The following HOXC4 variants were observed in gnomAD, a reference collection of about 807,000 sequenced individuals.
HOXC4 encodes the protein homeobox protein Hox-C4.
HOXC4 carries 15 observed loss-of-function variants against 25.5 expected under a neutral mutation model. The ratio of observed to expected loss-of-function variants is 0.59; its 90% confidence interval spans 0.39 to 0.91. The LOEUF (loss-of-function observed/expected upper bound fraction) is 0.91, where lower values mean the gene tolerates loss of function less well. HOXC4 is among the 40% of genes least tolerant of loss of function. The probability of loss-of-function intolerance (pLI) is 0.00; values close to 1 mark genes in which losing one functional copy is unlikely to be tolerated. For synonymous variants in HOXC4, 165 were observed against 148.0 expected (o/e 1.11, Z -0.83); for missense variants, 342 against 352.4 (o/e 0.97, Z 0.24).
chr12:54,028,628 A>G (rs945202736), intron 1 of HOXC4: 2 of 1,614,026 alleles, frequency 1.2e-6, no homozygotes, highest in Non-Finnish European at 1.7e-6. Context: ...CCAGTGAGGC[A>G]TTTCTCGACC....
At chr12:54,019,738 AGT>A (rs1437487049) in intron 1 of HOXC4, among the ~76,000 whole-genome samples, 1 of 152,078 alleles carries the variant, frequency 6.6e-6, no homozygotes. Flanking sequence ...GACCTCACTG[AGT>A]GTACCCACAG....
chr12:54,033,775 G>A (rs888555978), intron 1 of HOXC4, among the ~76,000 whole-genome samples: 3 of 152,168 alleles, frequency 2.0e-5, no homozygotes, highest in African/African-American at 7.2e-5. Context: ...GGAACAAAAC[G>A]TGTATAAAAG....
At chr12:54,019,456 A>G (rs1005921619) in intron 1 of HOXC4, among the ~76,000 whole-genome samples, 3 of 152,284 alleles carry the variant, frequency 2.0e-5, no homozygotes, top group South Asian at 4.1e-4. Flanking sequence ...GAGAGGCCCG[A>G]AAAAGGGAGC....
intron 1 of HOXC4, chr12:54,034,260 G>T (rs1406144534): frequency 2.5e-6 from 4 of 1,606,738 alleles, no homozygotes; most frequent in Non-Finnish European, 1.7e-6. Flanking sequence ...CTGGCTTGGG[G>T]TGGGGTTTAT....
intron 1 of HOXC4, among the ~76,000 whole-genome samples, chr12:54,018,311 C>T (rs533367049): frequency 6.6e-6 from 1 of 152,354 alleles, no homozygotes; most frequent in African/African-American, 2.4e-5. Context: ...CCGCTCGCCA[C>T]GCATGGCTGC....
chr12:54,027,571 TTC>T (rs1169899914), intron 1 of HOXC4, among the ~76,000 whole-genome samples: 1 of 152,216 alleles, frequency 6.6e-6, no homozygotes, highest in African/African-American at 2.4e-5. Context: ...CTCTCTCTCT[TTC>T]TCTCTGTCTT....
At chr12:54,017,284 T>G (rs1239778686) in exon 1 of HOXC4, 1 of 152,184 alleles carries the variant, frequency 6.6e-6, no homozygotes, top group Non-Finnish European at 1.5e-5. Context: ...TTTTTGAATT[T>G]ATATAAAGTA....
upstream of HOXC4, among the ~76,000 whole-genome samples, chr12:54,052,274 T>C (rs1336338194): frequency 6.6e-6 from 1 of 152,210 alleles, no homozygotes; most frequent in African/African-American, 2.4e-5. Flanking sequence ...GACTGATTTA[T>C]GACGTTTTAC....
At chr12:54,032,198 C>T (rs1035556716) in intron 1 of HOXC4, among the ~76,000 whole-genome samples, 2 of 152,190 alleles carry the variant, frequency 1.3e-5, no homozygotes, top group Admixed American at 1.3e-4. Context: ...ACTCTGGGGA[C>T]CCTAGCATGG....
chr12:54,031,109 C>T (rs1418919440), intron 1 of HOXC4, among the ~76,000 whole-genome samples: 1 of 152,276 alleles, frequency 6.6e-6, no homozygotes, highest in African/African-American at 2.4e-5. Flanking sequence ...GGTTTGGGCA[C>T]CAACCCCACG....
chr12:54,046,654 T>C (rs1230157491), intron 1 of HOXC4, among the ~76,000 whole-genome samples: 2 of 152,114 alleles, frequency 1.3e-5, no homozygotes, highest in African/African-American at 4.8e-5. Flanking sequence ...TGTAAATAAA[T>C]GAGAGAATAA....
At chr12:54,026,858 T>C (rs1382796950) in intron 1 of HOXC4, among the ~76,000 whole-genome samples, 1 of 152,142 alleles carries the variant, frequency 6.6e-6, no homozygotes, top group African/African-American at 2.4e-5. Context: ...TTGCTACCCA[T>C]TGATTACTCC....
At chr12:54,018,520 AT>A (rs1940270325) in intron 1 of HOXC4, among the ~76,000 whole-genome samples, 1 of 152,196 alleles carries the variant, frequency 6.6e-6, no homozygotes, top group South Asian at 2.1e-4. Flanking sequence ...GATCTCTCTA[AT>A]AATTGGTGCT....
At chr12:54,051,086 A>C (rs1403665267), upstream of HOXC4, among the ~76,000 whole-genome samples, 1 of 152,014 alleles carries the variant, frequency 6.6e-6, no homozygotes, top group African/African-American at 2.4e-5. Flanking sequence ...CAAGTACAGG[A>C]GGGTGAAGAT....
At chr12:54,038,545 G>A (rs1401265534) in intron 1 of HOXC4, among the ~76,000 whole-genome samples, 1 of 152,164 alleles carries the variant, frequency 6.6e-6, no homozygotes, top group Non-Finnish European at 1.5e-5. Context: ...TATCTCAAAG[G>A]TGGCTGTTTG....
At position 54,054,046 on chromosome 12, in the gene HOXC4, G is replaced by C; in HGVS notation, c.124G>C (p.Glu42Gln). Residue 42 changes from glutamate to glutamine, a missense_variant, in exon 1 of 2, where the codon GAA becomes CAA. By Grantham distance (29) the Glu-to-Gln change is conservative. Transcript: ENST00000430889. ...HSPEYYGRTR[E>Q]SGFQHHHQEL... ...TCCGGAATATTACGGCCGGACCAGGGAATCGGGATTCCAGCATCACCACCA... is the reference window on the plus strand; with the variant it reads ...TCCGGAATATTACGGCCGGACCAGGCAATCGGGATTCCAGCATCACCACCA... 1 of 1,614,072 alleles carries C rather than the reference G, an allele frequency of 6.2e-7. No individual in the cohort carries two copies. The highest frequency in any genetic ancestry group is 1.1e-5 in the South Asian group (1 of 91,064).
In HOXC4 at chr12:54,054,144, G is replaced by T; in HGVS notation, c.222G>T (p.Gly74=). 1.2e-6 allele frequency: 2 copies of T among 1,613,988 alleles called. No individual in the cohort carries two copies. Among genetic ancestry groups the T allele is most frequent in the Non-Finnish European group, 1.7e-6 (2 of 1,179,978 alleles). Reference sequence around the variant, plus strand: ...AGTATAGCTGCACCAGTCTCCAGGGGCCCGGCAATTCGCGAGGCCACGGGC... The same window carrying T: ...AGTATAGCTGCACCAGTCTCCAGGGTCCCGGCAATTCGCGAGGCCACGGGC... The part of the protein sequence containing the change: ...ERQYSCTSLQ[G]PGNSRGHGPA... Residue 74 remains glycine (G), a synonymous_variant, in exon 1 of 2, where the codon GGG becomes GGT. Coordinates refer to ENST00000430889, the MANE Select transcript of HOXC4 (RefSeq NM_153633.3).
chr12:54,032,839 T>A, intron 1 of HOXC4: 4 of 153,152 alleles, frequency 2.6e-5, no homozygotes, highest in Non-Finnish European at 5.2e-5. Flanking sequence ...TCTCTCTCAC[T>A]CCCTCTCCCC....
chr12:54,051,784 C>T (rs547154340), upstream of HOXC4, among the ~76,000 whole-genome samples: 2 of 152,312 alleles, frequency 1.3e-5, no homozygotes, highest in African/African-American at 4.8e-5. Flanking sequence ...GGAGGGAAGG[C>T]AACGAGGGCC....
Sources: gnomAD v4.1 joint callset for allele counts (sites outside exome capture counted in the v4.1 genomes callset) on GRCh38, gnomAD v4.1.1 for gene constraint, MANE v1.5 for transcripts, NCBI Gene and HGNC (gene_info 2026-07-23, HGNC 2026-07-21) for gene names.